The following GIGYF2 variants were observed in gnomAD, a reference collection of about 807,000 sequenced individuals.
The protein encoded by GIGYF2 is GRB10 interacting GYF protein 2.
GIGYF2 carries 25 observed loss-of-function variants against 208.1 expected under a neutral mutation model. The ratio of observed to expected loss-of-function variants is 0.12; its 90% CI spans 0.09 to 0.17. The LOEUF is 0.17. GIGYF2 is among the 10% of genes least tolerant of loss of function. GIGYF2 has a pLI of 1.00. For missense variants in GIGYF2, 1,302 were observed against 1,579.4 expected (o/e 0.82, Z 2.98); for synonymous variants, 534 against 543.8 (o/e 0.98, Z 0.25).
chr2:232,756,180 C>G (rs926194299), intron 5 of GIGYF2, 43 bp from the exon 6 acceptor site: 2 of 1,155,518 alleles, frequency 1.7e-6, no homozygotes, highest in South Asian at 1.5e-5. Context: ...TTTTTTCTTT[C>G]TTTTTTTCCT....
intron 23 of GIGYF2, among the ~76,000 whole-genome samples, chr2:232,843,277 T>C (rs1376724486): frequency 1.3e-5 from 2 of 151,920 alleles, no homozygotes; most frequent in Non-Finnish European, 2.9e-5. Context: ...GAAGTAATTC[T>C]GGCCAGGCTC....
At chr2:232,825,528 G>T (rs2106401421) in intron 21 of GIGYF2, among the ~76,000 whole-genome samples, 1 of 152,206 alleles carries the variant, frequency 6.6e-6, no homozygotes. Context: ...ATAATCTCAT[G>T]GTAAAGTTTG....
chr2:232,712,303 A>G (rs563356638), intron 2 of GIGYF2, among the ~76,000 whole-genome samples: 1 of 152,378 alleles, frequency 6.6e-6, no homozygotes, highest in African/African-American at 2.4e-5. Context: ...TGCATTAAGT[A>G]TCCTTCTACA....
chr2:232,715,238 T>A (rs1696626418), intron 2 of GIGYF2, among the ~76,000 whole-genome samples: 1 of 152,228 alleles, frequency 6.6e-6, no homozygotes, highest in Non-Finnish European at 1.5e-5. Flanking sequence ...GGTATGACTT[T>A]ACAGTATTTG....
At chr2:232,716,496 A>G (rs1300441504) in intron 2 of GIGYF2, among the ~76,000 whole-genome samples, 2 of 148,804 alleles carry the variant, frequency 1.3e-5, no homozygotes, top group East Asian at 4.0e-4. Context: ...CTCATGCCTC[A>G]GTCATCCCTA....
chr2:232,710,046 G>C (rs1289240905), intron 2 of GIGYF2, among the ~76,000 whole-genome samples: 1 of 151,864 alleles, frequency 6.6e-6, no homozygotes, highest in African/African-American at 2.4e-5. Context: ...TGCAAGCTCT[G>C]CCTCCCGGGT....
At chr2:232,781,995 T>G (rs76489862) in intron 8 of GIGYF2, among the ~76,000 whole-genome samples, 1,623 of 152,308 alleles carry the variant, frequency 0.011, 30 homozygotes, top group African/African-American at 0.037. Flanking sequence ...ATAAGATACA[T>G]TAACACATTT....
At chr2:232,790,971 T>C in intron 10 of GIGYF2, 37 bp from the exon 11 acceptor site, 3 of 1,612,268 alleles carry the variant, frequency 1.9e-6, no homozygotes, top group Non-Finnish European at 2.5e-6. Context: ...CAAAGCCAAA[T>C]CTGCTGTTGA....
intron 8 of GIGYF2, chr2:232,771,368 G>C: frequency 1.3e-6 from 2 of 1,596,766 alleles, no homozygotes; most frequent in Non-Finnish European, 8.6e-7. Context: ...TCCATCTCAG[G>C]CTGTATTTCT....
chr2:232,792,038 C>G (rs1457710612), intron 12 of GIGYF2, among the ~76,000 whole-genome samples: 3 of 152,152 alleles, frequency 2.0e-5, no homozygotes, highest in South Asian at 2.1e-4. Flanking sequence ...TTACTTGATT[C>G]ATTTACCATA....
intron 21 of GIGYF2, among the ~76,000 whole-genome samples, chr2:232,821,021 TG>T (rs1283874572): frequency 1.3e-5 from 2 of 151,880 alleles, no homozygotes; most frequent in Non-Finnish European, 2.9e-5. Context: ...TTAATAGAGA[TG>T]GGGTTTTGCC....
At chr2:232,725,816 A>G (rs1442522647) in intron 2 of GIGYF2, among the ~76,000 whole-genome samples, 1 of 152,238 alleles carries the variant, frequency 6.6e-6, no homozygotes, top group African/African-American at 2.4e-5. Context: ...GGGTTACCAG[A>G]TAATATTAGC....
At chr2:232,851,926 A>G (rs1416249096) in intron 28 of GIGYF2, among the ~76,000 whole-genome samples, 3 of 152,118 alleles carry the variant, frequency 2.0e-5, no homozygotes, top group Non-Finnish European at 2.9e-5. Context: ...AGTTAGATGG[A>G]TTTCAGAAAT....
At chr2:232,856,315 ATC>A (rs201621194) in intron 28 of GIGYF2, among the ~76,000 whole-genome samples, 1,988 of 152,254 alleles carry the variant, frequency 0.013, 31 homozygotes, top group African/African-American at 0.045. Context: ...AAAATAAAAA[ATC>A]TCTCTCATTG....
In GIGYF2 at chr2:232,821,484, C is replaced by CA. The variant is rs199935919; in HGVS notation, c.2529+1500dup. ...AAAGTGTTGAGGTAGAGGCATGAGC[C>CA]ACCGCGCCTGGCCAATAATGTCCAA... On this transcript the variant is annotated intron_variant, in intron 21 of 28. Transcript: ENST00000373563. Among the ~76,000 whole-genome samples, 966 of 152,312 alleles carry CA rather than the reference C, an allele frequency of 6.3e-3. 9 individuals are homozygous for CA. The highest frequency in any genetic ancestry group is 0.011 in the Non-Finnish European group (757 of 68,028).
At chr2:232,837,081 A>C (rs2106415332) in intron 22 of GIGYF2, among the ~76,000 whole-genome samples, 1 of 152,180 alleles carries the variant, frequency 6.6e-6, no homozygotes, top group South Asian at 2.1e-4. Flanking sequence ...GGTGATCACG[A>C]CCCTAGTGTT....
At chr2:232,762,272 C>G (rs1328691763) in intron 8 of GIGYF2, among the ~76,000 whole-genome samples, 3 of 141,300 alleles carry the variant, frequency 2.1e-5, no homozygotes, top group Non-Finnish European at 3.0e-5. Context: ...GACAGAGTCT[C>G]AGAGGCTGGA....
chr2:232,803,849 G>A lies in GIGYF2; in HGVS notation c.1640-2642G>A, dbSNP rs1700471620. Among the ~76,000 whole-genome samples, 2 of 65,454 alleles carry A rather than the reference G, an allele frequency of 3.1e-5. 1 individual carries two copies. The highest frequency in any genetic ancestry group is 5.5e-5 in the Non-Finnish European group (2 of 36,188). 42.9% of individuals were successfully genotyped at this position (65,454 alleles called of 152,430 possible). A position where few individuals can be genotyped will look rare whatever the true frequency, so the allele number is the denominator to read the frequency against. On this transcript the variant is annotated intron_variant, in intron 14 of 28. Transcript: ENST00000373563. ...ACTACAGGCGCCCGCCACCGCGCCC[G>A]GCTAATTTTTTGTATTTTTAGTAGA...
intron 2 of GIGYF2, among the ~76,000 whole-genome samples, chr2:232,733,336 TGGG>T (rs1305793070): frequency 6.7e-6 from 1 of 148,918 alleles, no homozygotes; most frequent in Non-Finnish European, 1.5e-5. Context: ...TTTTGTGTGG[TGGG>T]GGAGCAGGGA....
Sources: allele counts gnomAD v4.1 joint callset (sites outside exome capture counted in the v4.1 genomes callset), GRCh38; gene constraint gnomAD v4.1.1; transcripts MANE v1.5; gene names NCBI Gene and HGNC (gene_info 2026-07-23, HGNC 2026-07-21).